Variants in EPHA6 observed in about 807,000 individuals in gnomAD.
EPHA6 encodes the protein ephrin type-A receptor 6.
EPHA6 carries 50 observed loss-of-function variants against 112.0 expected under a neutral mutation model. The ratio of observed to expected loss-of-function variants is 0.45; its 90% CI spans 0.36 to 0.56. The LOEUF (loss-of-function observed/expected upper bound fraction) is 0.56, where lower values mean the gene tolerates loss of function less well. EPHA6 is among the 20% of genes least tolerant of loss of function. EPHA6 has a pLI of 0.00. For synonymous variants in EPHA6, 529 were observed against 490.7 expected, an observed-to-expected ratio of 1.08 and a Z score of -1.03; for missense variants, 1,280 against 1,417.4, an observed-to-expected ratio of 0.90 and a Z score of 1.56.
At chr3:97,331,674 C>G (rs895706593) in intron 5 of EPHA6, among the ~76,000 whole-genome samples, 2 of 151,972 alleles carry the variant, frequency 1.3e-5, no homozygotes, top group Non-Finnish European at 2.9e-5. Flanking sequence ...CGACACATAC[C>G]CCCTCCTGAG....
At chr3:97,111,832 A>G (rs779382538) in intron 3 of EPHA6, among the ~76,000 whole-genome samples, 1 of 152,128 alleles carries the variant, frequency 6.6e-6, no homozygotes, top group Non-Finnish European at 1.5e-5. Flanking sequence ...TTAAAGCCCT[A>G]CATTGATTGC....
rs367665144 is a variant in EPHA6, at chr3:97,695,552, A to G, written c.2785-24709A>G. ...ATCTACAGTCTACAGGTGACACTTT[A>G]TTTATTTAAGACGGAGTCTCGCTCT... On this transcript the variant is annotated intron_variant, in intron 14 of 17. Transcript: ENST00000389672. Among the ~76,000 whole-genome samples the G allele has an allele frequency of 2.4e-4, 36 of 152,252 alleles. No homozygotes were observed. In the Middle Eastern group the frequency reaches 0.01, roughly 43 times the overall value.
At chr3:97,296,684 T>C (rs758515353) in intron 5 of EPHA6, among the ~76,000 whole-genome samples, 2 of 152,122 alleles carry the variant, frequency 1.3e-5, no homozygotes, top group East Asian at 1.9e-4. Context: ...AAGTGTACCA[T>C]GGCCCTGTTG....
At chr3:97,315,027 T>G (rs1461269706) in intron 5 of EPHA6, among the ~76,000 whole-genome samples, 2 of 151,670 alleles carry the variant, frequency 1.3e-5, no homozygotes, top group Non-Finnish European at 3.0e-5. Context: ...GGTTGAACAC[T>G]TACTGTAGTA....
chr3:96,859,383 ATT>A (rs58615285), intron 1 of EPHA6, among the ~76,000 whole-genome samples: 26 of 140,824 alleles, frequency 1.8e-4, no homozygotes, highest in East Asian at 4.2e-4. Context: ...ATAATGGTTA[ATT>A]TTTTTTTTTT....
chr3:97,627,080 T>C (rs1356722186), intron 13 of EPHA6, among the ~76,000 whole-genome samples: 1 of 151,912 alleles, frequency 6.6e-6, no homozygotes, highest in Non-Finnish European at 1.5e-5. Context: ...AAGTAGTTAT[T>C]ACCACTATCC....
In EPHA6 at chr3:96,926,133, C is replaced by T. The variant is rs114664862; in HGVS notation, c.450+59244C>T. 7.4e-3 allele frequency among the ~76,000 whole-genome samples: 1,125 copies of T among 152,150 alleles called. 11 individuals carry two copies. Among genetic ancestry groups the T allele is most frequent in the African/African-American group, 0.025 (1,056 of 41,506 alleles). ...ACATGGGTAGGGAGGCCTCAGGAAA[C>T]TTATAGTCATGGCAGAAGGGGAAGC... On this transcript the variant is annotated intron_variant, in intron 2 of 17. Transcript: ENST00000389672.
intron 2 of EPHA6, among the ~76,000 whole-genome samples, chr3:96,936,506 G>A (rs910572883): frequency 6.6e-6 from 1 of 150,982 alleles, no homozygotes; most frequent in Non-Finnish European, 1.5e-5. Flanking sequence ...AACTGGCAGT[G>A]GATAATTTCT....
Position 97,201,106 on chromosome 3 carries a change from AAGCCAATGTATT to A in EPHA6, c.1115-25154_1115-25143del, listed in dbSNP as rs553448251. ...ATCTTTCAATAACCATGCAAAATAA[AAGCCAATGTATT>A]AGCTTGACAATTGTTCTGCATCTCT... On this transcript the variant is annotated intron_variant, in intron 3 of 17. Transcript: ENST00000389672. 1.2e-4 allele frequency among the ~76,000 whole-genome samples: 19 copies of A among 152,250 alleles called. No individual in the cohort carries two copies. The East Asian group carries it at 3.7e-3, about 30-fold the overall frequency.
At chr3:97,506,245 G>A (rs2092249670) in intron 10 of EPHA6, among the ~76,000 whole-genome samples, 1 of 152,138 alleles carries the variant, frequency 6.6e-6, no homozygotes, top group Non-Finnish European at 1.5e-5. Flanking sequence ...TTTTCGTCAT[G>A]AAGTCTTTGT....
intron 5 of EPHA6, among the ~76,000 whole-genome samples, chr3:97,362,964 A>T (rs1414670822): frequency 6.6e-6 from 1 of 151,116 alleles, no homozygotes; most frequent in African/African-American, 2.4e-5. Context: ...TAATTTAATT[A>T]TTTATAGAAT....
intron 2 of EPHA6, among the ~76,000 whole-genome samples, chr3:96,874,952 G>A (rs766587397): frequency 7.2e-5 from 11 of 152,100 alleles, no homozygotes; most frequent in Non-Finnish European, 1.5e-4. Flanking sequence ...CCATTCAGTA[G>A]TAGGAGGAGA....
intron 6 of EPHA6, among the ~76,000 whole-genome samples, chr3:97,426,987 G>A (rs1359297419): frequency 6.6e-6 from 1 of 152,170 alleles, no homozygotes; most frequent in African/African-American, 2.4e-5. Flanking sequence ...AAGCCAAAAT[G>A]AGATACTATC....
At chr3:97,637,251 T>A (rs2093954267) in intron 13 of EPHA6, among the ~76,000 whole-genome samples, 1 of 152,192 alleles carries the variant, frequency 6.6e-6, no homozygotes. Context: ...CATTTTTCTG[T>A]CAATTGCTAA....
chr3:97,692,933 T>C lies in EPHA6; in HGVS notation c.2785-27328T>C, dbSNP rs147143629. 1.4e-4 allele frequency among the ~76,000 whole-genome samples: 21 copies of C among 152,334 alleles called. No homozygotes were observed. The East Asian group carries it at 3.9e-3, about 28-fold the overall frequency. Reference sequence around the variant, plus strand: ...AGAATTAAGGAGAGCATTATGAGCATCTATTGAGATATTATAAGCTGTAAT... The same window carrying C: ...AGAATTAAGGAGAGCATTATGAGCACCTATTGAGATATTATAAGCTGTAAT... On this transcript the variant is annotated intron_variant, in intron 14 of 17. Coordinates refer to ENST00000389672, the MANE Select transcript of EPHA6 (RefSeq NM_001080448.3).
chr3:97,089,676 T>C (rs1475233049), intron 3 of EPHA6, among the ~76,000 whole-genome samples: 1 of 152,148 alleles, frequency 6.6e-6, no homozygotes, highest in African/African-American at 2.4e-5. Flanking sequence ...TCAAATCCTA[T>C]TATATGTAAA....
chr3:97,729,623 G>A lies in EPHA6; in HGVS notation c.2935-6302G>A, dbSNP rs1487900005. Among the ~76,000 whole-genome samples, 6 of 152,122 alleles carry A rather than the reference G, an allele frequency of 3.9e-5. No individual in the cohort carries two copies. The East Asian group carries it at 1.2e-3, about 30-fold the overall frequency. ...ACAGTACAAGATGAGATTTGGGTGGGGACACGGCCAAGCCATATCAGAAAG... is the reference window on the plus strand; with the variant it reads ...ACAGTACAAGATGAGATTTGGGTGGAGACACGGCCAAGCCATATCAGAAAG... On this transcript the variant is annotated intron_variant, in intron 15 of 17. Transcript: ENST00000389672.
At chr3:97,020,561 G>A (rs1356677922) in intron 3 of EPHA6, among the ~76,000 whole-genome samples, 3 of 152,094 alleles carry the variant, frequency 2.0e-5, no homozygotes, top group African/African-American at 4.8e-5. Flanking sequence ...AGAACACTAA[G>A]AATTGTAGTT....
intron 6 of EPHA6, among the ~76,000 whole-genome samples, chr3:97,438,032 G>A (rs1359256970): frequency 6.6e-6 from 1 of 152,086 alleles, no homozygotes. Context: ...ATTTAAAGTT[G>A]TTGTTTGACT....
Sources: gnomAD v4.1 joint callset for allele counts (sites outside exome capture counted in the v4.1 genomes callset) on GRCh38, gnomAD v4.1.1 for gene constraint, MANE v1.5 for transcripts, NCBI Gene and HGNC (gene_info 2026-07-23, HGNC 2026-07-21) for gene names.